The following XPOT variants were observed in gnomAD, a reference collection of about 807,000 sequenced individuals.
XPOT encodes the protein exportin-T.
Under a neutral mutation model 128.2 loss-of-function variants are expected in XPOT, and 34 were observed. The observed-to-expected ratio is 0.27, with a 90% confidence interval of 0.20 to 0.35. The LOEUF (loss-of-function observed/expected upper bound fraction) is 0.35. XPOT is among the 10% of genes least tolerant of loss of function. The pLI is 1.00. For missense variants in XPOT, 838 were observed against 1,125.3 expected, an observed-to-expected ratio of 0.74 and a Z score of 3.65; for synonymous variants, 348 against 394.3, an observed-to-expected ratio of 0.88 and a Z score of 1.39.
In XPOT at chr12:64,448,751, T is replaced by C. The variant is rs1433871664; in HGVS notation, c.*620T>C. On this transcript the variant is annotated 3_prime_UTR_variant, in exon 25 of 25. Transcript: ENST00000332707. ...TTATTTTCTCATCTTAATCTCTCCA[T>C]AATTTCCCATTTAAAGGTTTACAAA... 6.6e-6 allele frequency: 1 copy of C among 152,180 alleles called. No homozygotes were observed. The highest frequency in any genetic ancestry group is 1.5e-5 in the Non-Finnish European group (1 of 68,026). 9.4% of individuals were successfully genotyped at this position (152,180 alleles called of 1,614,324 possible).
In XPOT at chr12:64,425,129, C is replaced by A; in HGVS notation, c.1399C>A (p.His467Asn). 1 of 1,614,034 alleles carries A rather than the reference C, an allele frequency of 6.2e-7. No individual in the cohort carries two copies. Among genetic ancestry groups the A allele is most frequent in the Non-Finnish European group, 8.5e-7 (1 of 1,179,992 alleles). Residue 467 changes from histidine (H) to asparagine (N), a missense_variant, in exon 13 of 25, where the codon CAC (histidine) becomes AAC (asparagine). Coordinates refer to ENST00000332707, the MANE Select transcript of XPOT (RefSeq NM_007235.6). ...AEALPVSHGA[H>N]FSGDVSKASA... ...AGCTCTTCCAGTATCTCATGGTGCT[C>A]ACTTCTCAGGTGATGTTTCAAAAGC...
At chr12:64,436,441 G>T (rs1335792873) in intron 22 of XPOT, among the ~76,000 whole-genome samples, 2 of 149,950 alleles carry the variant, frequency 1.3e-5, no homozygotes, top group Non-Finnish European at 1.5e-5. Flanking sequence ...TATATTTTTT[G>T]TAGAGATGGG....
chr12:64,420,345 A>G lies in XPOT; in HGVS notation c.675-8A>G. On this transcript the variant is annotated splice_region_variant and splice_polypyrimidine_tract_variant and intron_variant, in intron 7 of 24. Transcript: ENST00000332707. ...GAAAATGTTACAATTTTATTGTCCC[A>G]TTACCAGGTTTATAAATATGCTGCT... is the stretch of plus-strand genomic sequence containing the variant. 1.9e-6 allele frequency: 3 copies of G among 1,609,398 alleles called. No homozygotes were observed. Among genetic ancestry groups the G allele is most frequent in the Middle Eastern group, 1.7e-4 (1 of 6,030 alleles).
At chr12:64,405,783 A>G (rs149141760) in intron 1 of XPOT, among the ~76,000 whole-genome samples, 6 of 152,050 alleles carry the variant, frequency 3.9e-5, no homozygotes, top group South Asian at 2.1e-4. Context: ...ACACCTGGCT[A>G]CTTTTTGTAT....
chr12:64,436,592 A>T (rs1045939275), intron 22 of XPOT, among the ~76,000 whole-genome samples: 1 of 150,720 alleles, frequency 6.6e-6, no homozygotes, highest in Non-Finnish European at 1.5e-5. Context: ...ATTTTACTTT[A>T]TTTTTTGTGG....
At chr12:64,417,779 A>G (rs1035026119) in intron 4 of XPOT, among the ~76,000 whole-genome samples, 37 of 152,358 alleles carry the variant, frequency 2.4e-4, no homozygotes, top group Middle Eastern at 3.4e-3. Context: ...CACAGACCAC[A>G]AAACATTTTC....
intron 22 of XPOT, among the ~76,000 whole-genome samples, chr12:64,437,188 T>G (rs1159523188): frequency 6.6e-6 from 1 of 152,014 alleles, no homozygotes; most frequent in Admixed American, 6.6e-5. Flanking sequence ...TAGGGTGGGG[T>G]AGGTGTGTGT....
intron 11 of XPOT, among the ~76,000 whole-genome samples, chr12:64,424,256 A>T (rs528033009): frequency 5.9e-5 from 9 of 152,350 alleles, no homozygotes; most frequent in Non-Finnish European, 1.3e-4. Flanking sequence ...TAACCTTCTT[A>T]GACTATTTCT....
chr12:64,448,946 C>T lies in XPOT; in HGVS notation c.*815C>T, dbSNP rs936859094. ...GGGCGTGGTGGCTCACGACTGTAAT[C>T]CCAGAACTTTGGGAGGCCAAGGCAG... On this transcript the variant is annotated 3_prime_UTR_variant, in exon 25 of 25. Transcript: ENST00000332707. 5.3e-5 allele frequency: 8 copies of T among 152,112 alleles called. No individual in the cohort carries two copies. The highest frequency in any genetic ancestry group is 1.9e-4 in the African/African-American group (8 of 41,412). The allele number at this position is 152,112 out of a possible 1,614,324, so 9.4% of individuals were successfully genotyped here. A position where few individuals can be genotyped will look rare whatever the true frequency, so the allele number is the denominator to read the frequency against.
At chr12:64,427,399 G>A (rs2040201738) in intron 15 of XPOT, among the ~76,000 whole-genome samples, 2 of 152,038 alleles carry the variant, frequency 1.3e-5, no homozygotes, top group African/African-American at 2.4e-5. Context: ...GGTATTACAG[G>A]CATGAGCCAC....
chr12:64,406,046 A>T (rs2039978211), intron 1 of XPOT, among the ~76,000 whole-genome samples: 1 of 152,082 alleles, frequency 6.6e-6, no homozygotes. Context: ...TTTTCTCCCG[A>T]TAGCTTCAGA....
In XPOT at chr12:64,433,402, G is replaced by A; in HGVS notation, c.2263-12G>A. The A allele has an allele frequency of 6.6e-7, 1 of 1,514,166 alleles. No homozygotes were observed. 93.8% of individuals were successfully genotyped at this position (1,514,166 alleles called of 1,614,324 possible). ...GTTACTAATTTCTGAAGTAATGATT[G>A]TTTATCTTCAGATACAGGTATCCCC... On this transcript the variant is annotated splice_polypyrimidine_tract_variant and intron_variant, in intron 18 of 24. Coordinates refer to ENST00000332707, the MANE Select transcript of XPOT (RefSeq NM_007235.6).
chr12:64,420,957 C>T (rs778230484), intron 8 of XPOT, among the ~76,000 whole-genome samples: 23 of 152,156 alleles, frequency 1.5e-4, no homozygotes, highest in Non-Finnish European at 2.8e-4. Flanking sequence ...CATGCCACTA[C>T]ACCCGGCAAA....
chr12:64,439,195 T>G, intron 22 of XPOT, 49 bp from the exon 23 acceptor site: 2 of 1,545,708 alleles, frequency 1.3e-6, no homozygotes, highest in South Asian at 1.1e-5. Context: ...CTTTTTAAGC[T>G]TATTAATGTC....
At chr12:64,414,403 A>G (rs1439044852) in intron 2 of XPOT, among the ~76,000 whole-genome samples, 1 of 152,208 alleles carries the variant, frequency 6.6e-6, no homozygotes, top group Non-Finnish European at 1.5e-5. Flanking sequence ...TGATATAATT[A>G]AAGACTTGAA....
chr12:64,405,190 T>G (rs976485565), intron 1 of XPOT: 1 of 152,384 alleles, frequency 6.6e-6, no homozygotes, highest in African/African-American at 2.4e-5. Context: ...ACCTCAAACT[T>G]GATTCTTCCC....
At chr12:64,436,672 C>T (rs1406057523) in intron 22 of XPOT, among the ~76,000 whole-genome samples, 1 of 151,868 alleles carries the variant, frequency 6.6e-6, no homozygotes, top group African/African-American at 2.4e-5. Flanking sequence ...ACCCCACCTC[C>T]CAGGCTCAAG....
intron 23 of XPOT, 35 bp downstream of exon 23, chr12:64,439,350 G>A (rs779078713): frequency 6.4e-7 from 1 of 1,568,794 alleles, no homozygotes; most frequent in Non-Finnish European, 8.8e-7. Flanking sequence ...GTAGGCGAGA[G>A]ATCACAGTAG....
chr12:64,429,444 C>CT (rs34238513), intron 16 of XPOT, among the ~76,000 whole-genome samples: 462 of 143,698 alleles, frequency 3.2e-3, no homozygotes, highest in South Asian at 6.0e-3. Flanking sequence ...CACTCTAGTA[C>CT]TTTTTTTTTT....
Sources: gnomAD v4.1 joint callset for allele counts (sites outside exome capture counted in the v4.1 genomes callset) on GRCh38, gnomAD v4.1.1 for gene constraint, MANE v1.5 for transcripts, NCBI Gene and HGNC (gene_info 2026-07-23, HGNC 2026-07-21) for gene names.